TDRD9: variants seen among roughly 807,000 people sequenced by gnomAD.
TDRD9 encodes tudor domain containing 9, also known as ATP-dependent RNA helicase TDRD9.
TDRD9 carries 124 observed loss-of-function variants against 172.6 expected under a neutral mutation model. The observed-to-expected ratio is 0.72, with a 90% confidence interval of 0.62 to 0.83. TDRD9 has a LOEUF of 0.83. Ranked by LOEUF, TDRD9 falls within the 40% of genes least tolerant of loss-of-function variation. The pLI, the probability that TDRD9 is intolerant of heterozygous loss-of-function variation, is 0.00. For synonymous variants in TDRD9, 619 were observed against 617.1 expected (o/e 1.00, Z -0.05); for missense variants, 1,479 against 1,714.1 (o/e 0.86, Z 2.42).
chr14:104,025,813 GAGAC>G, intron 26 of TDRD9, 37 bp downstream of exon 26: 1 of 1,486,606 alleles, frequency 6.7e-7, no homozygotes, highest in Non-Finnish European at 9.4e-7. Context: ...GAAGGGAAAT[GAGAC>G]AGACAGACGT....
intron 28 of TDRD9, among the ~76,000 whole-genome samples, chr14:104,030,399 G>C (rs2152250293): frequency 6.6e-6 from 1 of 152,324 alleles, no homozygotes; most frequent in East Asian, 1.9e-4. Context: ...GCTGAGGCAG[G>C]AGAATTGCTT....
intron 6 of TDRD9, among the ~76,000 whole-genome samples, chr14:103,972,015 G>T (rs1421072807): frequency 6.6e-6 from 1 of 151,956 alleles, no homozygotes; most frequent in Non-Finnish European, 1.5e-5. Context: ...AAACTAGCTG[G>T]ACATAGTGGT....
At chr14:104,024,517 GT>G in intron 24 of TDRD9, 51 bp from the exon 25 acceptor site, 1 of 1,027,304 alleles carries the variant, frequency 9.7e-7, no homozygotes, top group Non-Finnish European at 1.5e-6. Context: ...ATGTAAATGT[GT>G]TTTCTTTGTA....
chr14:103,964,769 C>T (rs181768534), intron 3 of TDRD9, among the ~76,000 whole-genome samples: 10 of 152,276 alleles, frequency 6.6e-5, no homozygotes, highest in Non-Finnish European at 8.8e-5. Flanking sequence ...GTGATCCGCC[C>T]GCCTTGGCCT....
chr14:104,051,205 A>T (rs1281743184), intron 35 of TDRD9, among the ~76,000 whole-genome samples: 1 of 152,176 alleles, frequency 6.6e-6, no homozygotes, highest in Non-Finnish European at 1.5e-5. Context: ...AGGTGAGAAC[A>T]GGCAGTATTT....
At chr14:104,049,925 T>C (rs11160784) in intron 35 of TDRD9, 242,468 of 452,438 alleles carry the variant, frequency 0.54, 67,489 homozygotes, top group South Asian at 0.61. Flanking sequence ...TGCCTGTGAG[T>C]TGGGAAAAAA....
chr14:103,958,153 A>G (rs1274502358), intron 2 of TDRD9, among the ~76,000 whole-genome samples: 1 of 152,202 alleles, frequency 6.6e-6, no homozygotes, highest in Non-Finnish European at 1.5e-5. Context: ...AGTTACACAA[A>G]TAAATGCTTT....
chr14:104,009,598 T>A (rs925317409), intron 20 of TDRD9, among the ~76,000 whole-genome samples: 26 of 152,236 alleles, frequency 1.7e-4, no homozygotes, highest in African/African-American at 6.3e-4. Context: ...TAAAAATTTT[T>A]AAAAAATTAA....
chr14:103,955,547 A>G (rs1317285882), intron 1 of TDRD9, 117 bp from the exon 2 acceptor site: 2 of 639,278 alleles, frequency 3.1e-6, no homozygotes, highest in Non-Finnish European at 5.2e-6. Flanking sequence ...GTGTATATTC[A>G]TTTGTTTATT....
chr14:104,000,949 A>G (rs113944501), intron 13 of TDRD9, among the ~76,000 whole-genome samples: 3,481 of 152,308 alleles, frequency 0.023, 77 homozygotes, highest in East Asian at 0.07. Context: ...CTTCCTCTAT[A>G]AGATATTGCA....
At chr14:103,948,550 C>G (rs190901787) in intron 1 of TDRD9, among the ~76,000 whole-genome samples, 2 of 152,250 alleles carry the variant, frequency 1.3e-5, no homozygotes, top group Admixed American at 1.3e-4. Flanking sequence ...CACCTGTGTT[C>G]ATAACATCAT....
At chr14:104,020,172 G>A (rs1367600291) in intron 23 of TDRD9, among the ~76,000 whole-genome samples, 1 of 152,208 alleles carries the variant, frequency 6.6e-6, no homozygotes, top group African/African-American at 2.4e-5. Context: ...TGACTAGGTG[G>A]GCACTTGGAG....
chr14:104,024,454 A>C, intron 24 of TDRD9, 115 bp from the exon 25 acceptor site: 1 of 574,626 alleles, frequency 1.7e-6, no homozygotes, highest in Non-Finnish European at 3.0e-6. Context: ...TATTTTATTG[A>C]AATGTTCTTT....
chr14:103,976,557 G>A (rs2033254560), intron 7 of TDRD9, among the ~76,000 whole-genome samples: 1 of 151,364 alleles, frequency 6.6e-6, no homozygotes, highest in Non-Finnish European at 1.5e-5. Context: ...CACCGCGCCT[G>A]GCCTATCCAT....
intron 23 of TDRD9, among the ~76,000 whole-genome samples, chr14:104,019,203 G>A (rs2034879512): frequency 6.6e-6 from 1 of 152,184 alleles, no homozygotes; most frequent in South Asian, 2.1e-4. Context: ...ACCTGGGTGA[G>A]CTTCCAGTTC....
chr14:104,034,083 C>A lies in TDRD9; in HGVS notation c.3619+14C>A, dbSNP rs983518736. The A allele has an allele frequency of 1.4e-5, 21 of 1,497,972 alleles. No homozygotes were observed. Among genetic ancestry groups the A allele is most frequent in the Admixed American group, 9.8e-5 (5 of 50,850 alleles). The allele number at this position is 1,497,972 out of a possible 1,614,324, so 92.8% of individuals were successfully genotyped here. Reference sequence around the variant, plus strand: ...TCAATGCGACTGGTAATTTAAAGATCCTGTTTATTCCTTGTCCTCTCTTTT... The same window carrying A: ...TCAATGCGACTGGTAATTTAAAGATACTGTTTATTCCTTGTCCTCTCTTTT... On this transcript the variant is annotated intron_variant, in intron 31 of 35. Transcript: ENST00000409874.
At position 104,015,972 on chromosome 14, in the gene TDRD9, C is replaced by A. The variant is rs2034777369; in HGVS notation, c.2224-9C>A. 6.4e-7 allele frequency: 1 copy of A among 1,562,390 alleles called. No homozygotes were observed. The highest frequency in any genetic ancestry group is 8.7e-7 in the Non-Finnish European group (1 of 1,150,088). On this transcript the variant is annotated splice_polypyrimidine_tract_variant and intron_variant, in intron 21 of 35. Coordinates refer to ENST00000409874, the MANE Select transcript of TDRD9 (RefSeq NM_153046.3). ...GCTGTTACTTCATGAAAATAAATTT[C>A]TTTTTCAGGTTGTATTGGCAGGTGC...
intron 8 of TDRD9, among the ~76,000 whole-genome samples, chr14:103,989,684 A>G (rs1031871938): frequency 1.3e-5 from 2 of 152,214 alleles, no homozygotes; most frequent in Non-Finnish European, 2.9e-5. Flanking sequence ...GGGACTTGGC[A>G]CTGGCCCTTG....
At chr14:104,029,205 C>A (rs1258251817) in intron 28 of TDRD9, among the ~76,000 whole-genome samples, 1 of 152,068 alleles carries the variant, frequency 6.6e-6, no homozygotes, top group Non-Finnish European at 1.5e-5. Flanking sequence ...ATTGTTTTTT[C>A]TATTTCTGTG....
Sources: gnomAD v4.1 joint callset for allele counts (sites outside exome capture counted in the v4.1 genomes callset) on GRCh38, gnomAD v4.1.1 for gene constraint, MANE v1.5 for transcripts, NCBI Gene and HGNC (gene_info 2026-07-23, HGNC 2026-07-21) for gene names.